The following NCSTN variants were observed in gnomAD, a reference collection of about 807,000 sequenced individuals.
The protein encoded by NCSTN is nicastrin, also known as anterior pharynx-defective 2.
Under a neutral mutation model 87.0 loss-of-function variants are expected in NCSTN, and 22 were observed. The ratio of observed to expected loss-of-function variants is 0.25; its 90% CI spans 0.18 to 0.36. The LOEUF (loss-of-function observed/expected upper bound fraction) is 0.36, where lower values mean the gene tolerates loss of function less well. Among genes scored for constraint, NCSTN ranks in the 10% least tolerant of loss-of-function variants. The probability of loss-of-function intolerance (pLI) is 1.00; values close to 1 mark genes in which losing one functional copy is unlikely to be tolerated. For synonymous variants in NCSTN, 306 were observed against 327.1 expected (o/e 0.94, Z 0.69); for missense variants, 693 against 883.3 (o/e 0.78, Z 2.73).
At chr1:160,345,555 A>G (rs1186613815) in intron 2 of NCSTN, among the ~76,000 whole-genome samples, 1 of 152,086 alleles carries the variant, frequency 6.6e-6, no homozygotes, top group African/African-American at 2.4e-5. Context: ...CTCATATTCT[A>G]TGGTGTCCAG....
At position 160,351,824 on chromosome 1, in the gene NCSTN, T is replaced by C. The variant is rs1484300071; in HGVS notation, c.843+19T>C. The C allele has an allele frequency of 6.4e-7, 1 of 1,572,828 alleles. No individual in the cohort carries two copies. Among genetic ancestry groups the C allele is most frequent in the Non-Finnish European group, 8.8e-7 (1 of 1,142,582 alleles). ...CACCCGGGTGAGTGTTGGCTTCTGA[T>C]CAGGATGGGCAGGGCTGGCACAAAA... On this transcript the variant is annotated intron_variant, in intron 7 of 16. Coordinates refer to ENST00000294785, the MANE Select transcript of NCSTN (RefSeq NM_015331.3).
rs577452809 is a variant in NCSTN, at chr1:160,352,046, G to T, written c.844-8G>T. The T allele has an allele frequency of 1.9e-6, 3 of 1,614,104 alleles. No individual in the cohort carries two copies. The highest frequency in any genetic ancestry group is 8.5e-7 in the Non-Finnish European group (1 of 1,179,976). Reference sequence around the variant, plus strand: ...TATATCCCCTGACTTTTCTTCTGTTGTACCTAGCTGGATAGTCGTTCCTTT... The same window carrying T: ...TATATCCCCTGACTTTTCTTCTGTTTTACCTAGCTGGATAGTCGTTCCTTT... On this transcript the variant is annotated splice_region_variant and splice_polypyrimidine_tract_variant and intron_variant, in intron 7 of 16. Transcript: ENST00000294785.
rs780259644 is a variant in NCSTN, at chr1:160,350,139, T to C, written c.471T>C (p.Ala157=). The change falls in exon 5 of 17, where the codon GCT becomes GCC. Residue 157 remains alanine, a synonymous_variant. Transcript: ENST00000294785. ...CCAATTCCTATGGGCCAGAGTTTGC[T>C]CACTGCAGAGAAATACAGTGGAATT... is the stretch of plus-strand genomic sequence containing the variant. ...VYSNSYGPEF[A]HCREIQWNSL... is the part of the protein sequence containing the mutation. 7 of 1,614,122 alleles carry C rather than the reference T, an allele frequency of 4.3e-6. No individual in the cohort carries two copies. The highest frequency in any genetic ancestry group is 5.9e-6 in the Non-Finnish European group (7 of 1,179,970).
At chr1:160,349,150 A>G (rs6669689) in intron 3 of NCSTN, 28 bp downstream of exon 3, 836,667 of 1,612,488 alleles carry the variant, frequency 0.52, 218,602 homozygotes, top group South Asian at 0.62. Context: ...CTGCTGGGAA[A>G]ACATCCATAG....
In NCSTN at chr1:160,358,474, C is replaced by G. The variant is rs1199566728; in HGVS notation, c.*203C>G. The G allele has an allele frequency of 4.5e-6, 3 of 669,714 alleles. No homozygotes were observed. The highest frequency in any genetic ancestry group is 8.1e-4 in the Middle Eastern group (2 of 2,474). The allele number at this position is 669,714 out of a possible 1,614,324, so 41.5% of individuals were successfully genotyped here. ...TCCTCCGCTCCCCTTTCCCATCACC[C>G]CTTCCCCATTTCCTCTTCCTTCTCT... On this transcript the variant is annotated 3_prime_UTR_variant, in exon 17 of 17. Coordinates refer to ENST00000294785, the MANE Select transcript of NCSTN (RefSeq NM_015331.3).
rs1648210558 is a variant in NCSTN, at chr1:160,343,427, G to C, written c.31G>C (p.Asp11His). MATAGGGSGA[D>H]PGSRGLLRLL... Reference sequence around the variant, plus strand: ...TACGGCAGGGGGTGGCTCTGGGGCTGACCCGGGAAGTCGGGGTCTCCTTCG... The same window carrying C: ...TACGGCAGGGGGTGGCTCTGGGGCTCACCCGGGAAGTCGGGGTCTCCTTCG... The change falls in exon 1 of 17, where the codon GAC becomes CAC. Residue 11 changes from aspartate to histidine, a missense_variant. Physicochemically the swap from Asp to His is moderately conservative, Grantham distance 81. Coordinates refer to ENST00000294785, the MANE Select transcript of NCSTN (RefSeq NM_015331.3). 8.1e-6 allele frequency: 13 copies of C among 1,612,800 alleles called. No homozygotes were observed. The highest frequency in any genetic ancestry group is 1.1e-5 in the Non-Finnish European group (13 of 1,179,726).
intron 9 of NCSTN, 50 bp downstream of exon 9, chr1:160,353,041 TTTG>T (rs774613076): frequency 1.3e-6 from 2 of 1,588,896 alleles, no homozygotes; most frequent in South Asian, 2.2e-5. Context: ...ATCTTCCTCC[TTTG>T]TTGTTCTGCG....
At chr1:160,345,961 A>AAC (rs1648467316) in intron 2 of NCSTN, among the ~76,000 whole-genome samples, 1 of 150,070 alleles carries the variant, frequency 6.7e-6, no homozygotes, top group Non-Finnish European at 1.5e-5. Context: ...AAAAAAAAAA[A>AAC]GAAAATGCTG....
rs759557582 is a variant in NCSTN at position 160,353,151 on chromosome 1, TCCC to T, written c.1102-5_1102-3del. Reference sequence around the variant, plus strand: ...GATTCTAAGTGTTGTTTCTTCATCCTCCCCCCAGGTGGCCTTAAGAACTTCATT... The same window carrying T: ...GATTCTAAGTGTTGTTTCTTCATCCTCCCAGGTGGCCTTAAGAACTTCATT... On this transcript the variant is annotated splice_polypyrimidine_tract_variant and splice_region_variant and intron_variant, in intron 9 of 16. Transcript: ENST00000294785. The T allele has an allele frequency of 2.5e-6, 4 of 1,613,408 alleles. No individual in the cohort carries two copies. The highest frequency in any genetic ancestry group is 3.3e-5 in the Admixed American group (2 of 59,988).
chr1:160,350,040 C>T, intron 4 of NCSTN, 65 bp from the exon 5 acceptor site: 1 of 1,565,328 alleles, frequency 6.4e-7, no homozygotes, highest in Non-Finnish European at 8.8e-7. Flanking sequence ...CTTCTGCCGT[C>T]ACCTGGTTCC....
At position 160,349,679 on chromosome 1, in the gene NCSTN, C is replaced by T; in HGVS notation, c.436+9C>T. 5 of 1,613,444 alleles carry T rather than the reference C, an allele frequency of 3.1e-6. No individual in the cohort carries two copies. Among genetic ancestry groups the T allele is most frequent in the Non-Finnish European group, 4.2e-6 (5 of 1,179,974 alleles). ...CCCAAATGATGGGTTTGGTAAGTGTCCCAAAGGATCAGGAGAGCCTACTGT... is the reference window on the plus strand; with the variant it reads ...CCCAAATGATGGGTTTGGTAAGTGTTCCAAAGGATCAGGAGAGCCTACTGT... On this transcript the variant is annotated intron_variant, in intron 4 of 16. Transcript: ENST00000294785.
At chr1:160,346,642 C>G (rs1648508583) in intron 2 of NCSTN, among the ~76,000 whole-genome samples, 1 of 151,390 alleles carries the variant, frequency 6.6e-6, no homozygotes, top group African/African-American at 2.4e-5. Context: ...GTCTCGCCCT[C>G]TCGCCCAGGC....
intron 8 of NCSTN, among the ~76,000 whole-genome samples, chr1:160,352,530 C>T (rs1648911809): frequency 6.6e-6 from 1 of 152,208 alleles, no homozygotes; most frequent in African/African-American, 2.4e-5. Flanking sequence ...CCGTTAGGCT[C>T]CTGACTCTCA....
chr1:160,356,226 A>G, intron 13 of NCSTN, 34 bp from the exon 14 acceptor site: 1 of 1,536,086 alleles, frequency 6.5e-7, no homozygotes. Flanking sequence ...CCTTCAAGTC[A>G]CAGGGTTTTC....
At chr1:160,356,035 A>G (rs1649114006) in intron 13 of NCSTN, 77 bp downstream of exon 13, 2 of 1,373,714 alleles carry the variant, frequency 1.5e-6, no homozygotes, top group African/African-American at 2.9e-5. Context: ...CTAGTGTCCC[A>G]AACCTTGGAA....
intron 8 of NCSTN, 44 bp downstream of exon 8, chr1:160,352,250 G>A: frequency 6.2e-7 from 1 of 1,612,026 alleles, no homozygotes. Context: ...GAAGAAAGAG[G>A]ATAGTAAAGA....
intron 2 of NCSTN, chr1:160,345,217 A>T (rs1348845128): frequency 3.2e-6 from 1 of 308,532 alleles, no homozygotes; most frequent in African/African-American, 2.2e-5. Context: ...TTTGACACGG[A>T]GTTTCACTCT....
At chr1:160,349,732 T>G (rs1648733068) in intron 4 of NCSTN, 62 bp downstream of exon 4, 1 of 1,597,428 alleles carries the variant, frequency 6.3e-7, no homozygotes, top group Admixed American at 1.7e-5. Flanking sequence ...TGCTTCGGTC[T>G]TACGTCTTTG....
intron 15 of NCSTN, 46 bp downstream of exon 15, chr1:160,356,800 T>G: frequency 6.2e-7 from 1 of 1,610,670 alleles, no homozygotes; most frequent in Non-Finnish European, 8.5e-7. Context: ...CCCTTTCCCT[T>G]GGGAAAGTTG....
Sources: gnomAD v4.1 joint callset for allele counts (sites outside exome capture counted in the v4.1 genomes callset) on GRCh38, gnomAD v4.1.1 for gene constraint, MANE v1.5 for transcripts, NCBI Gene and HGNC (gene_info 2026-07-23, HGNC 2026-07-21) for gene names.